FKBP10: variants seen among roughly 807,000 people sequenced by gnomAD.
FKBP10 encodes FKBP prolyl isomerase 10, also known as peptidyl-prolyl cis-trans isomerase FKBP10.
Under a neutral mutation model 53.7 loss-of-function variants are expected in FKBP10, and 34 were observed. The ratio of observed to expected loss-of-function variants is 0.63; its 90% CI spans 0.48 to 0.84. The LOEUF (loss-of-function observed/expected upper bound fraction) is 0.84, where lower values mean the gene tolerates loss of function less well. Among genes scored for constraint, FKBP10 ranks in the 40% least tolerant of loss-of-function variants. FKBP10 has a pLI of 0.00. For missense variants in FKBP10, 748 were observed against 797.8 expected, an observed-to-expected ratio of 0.94 and a Z score of 0.75; for synonymous variants, 324 against 335.7, an observed-to-expected ratio of 0.97 and a Z score of 0.38.
chr17:41,814,958 C>CTACAGTGCAA (rs1266743245), intron 1 of FKBP10, among the ~76,000 whole-genome samples: 3 of 152,136 alleles, frequency 2.0e-5, no homozygotes, highest in Non-Finnish European at 4.4e-5. Flanking sequence ...GTTGCCTGGG[C>CTACAGTGCAA]TGGAGTGCAA....
In FKBP10 at chr17:41,822,360, C is replaced by G. The variant is rs1555617374; in HGVS notation, c.1701C>G (p.Leu567=). The G allele has an allele frequency of 5.6e-6, 9 of 1,612,830 alleles. No homozygotes were observed. The highest frequency in any genetic ancestry group is 6.8e-6 in the Non-Finnish European group (8 of 1,179,490). ...NQDGKITVDE[L]KLKSDEDEER... Reference sequence around the variant, plus strand: ...ACGGCAAGATCACAGTCGACGAGCTCAAGCTGAAGTCAGATGAGGACGAGG... The same window carrying G: ...ACGGCAAGATCACAGTCGACGAGCTGAAGCTGAAGTCAGATGAGGACGAGG... The change falls in exon 10 of 10, where the codon CTC becomes CTG. Residue 567 remains leucine, a synonymous_variant. Coordinates refer to ENST00000321562, the MANE Select transcript of FKBP10 (RefSeq NM_021939.4).
chr17:41,820,221 C>A (rs1555616791), intron 6 of FKBP10, 48 bp from the exon 7 acceptor site: 2 of 1,587,924 alleles, frequency 1.3e-6, no homozygotes, highest in African/African-American at 1.3e-5. Context: ...CCTCAAGTAG[C>A]CTCTCCTAGT....
At position 41,822,558 on chromosome 17, in the gene FKBP10, G is replaced by A; in HGVS notation, c.*150G>A. On this transcript the variant is annotated 3_prime_UTR_variant, in exon 10 of 10. Transcript: ENST00000321562. ...CAATGGCAGAGGAGACATCTCTGGT[G>A]TTCCCACCACCCTAGATGAAAATCC... The A allele has an allele frequency of 1.2e-6, 1 of 828,110 alleles. No individual in the cohort carries two copies. The highest frequency in any genetic ancestry group is 2.0e-6 in the Non-Finnish European group (1 of 506,342). 51.3% of individuals were successfully genotyped at this position (828,110 alleles called of 1,614,324 possible).
chr17:41,813,110 G>T lies in FKBP10; in HGVS notation c.76G>T (p.Ala26Ser), dbSNP rs782020649. The T allele has an allele frequency of 6.2e-7, 1 of 1,611,316 alleles. No homozygotes were observed. Among genetic ancestry groups the T allele is most frequent in the South Asian group, 1.1e-5 (1 of 91,014 alleles). ...LLQLLLLVVQ[A>S]VGRGLGRASP... ...GCAGTTGCTGCTACTGGTGGTGCAG[G>T]CCGTGGGGAGGGGGCTGGGCCGCGC... The change falls in exon 1 of 10, where the codon GCC becomes TCC. Residue 26 changes from alanine to serine, a missense_variant. Coordinates refer to ENST00000321562, the MANE Select transcript of FKBP10 (RefSeq NM_021939.4).
intron 7 of FKBP10, 39 bp downstream of exon 7, chr17:41,820,500 G>T: frequency 6.2e-7 from 1 of 1,607,312 alleles, no homozygotes; most frequent in South Asian, 1.1e-5. Flanking sequence ...CAGGTGGGTG[G>T]GCACAGGCAT....
chr17:41,813,311 A>T (rs1555615716), intron 1 of FKBP10, 32 bp downstream of exon 1: 1 of 1,612,622 alleles, frequency 6.2e-7, no homozygotes. Flanking sequence ...CGGATTCACC[A>T]CTCCGTCCCC....
Position 41,820,267 on chromosome 17 carries a change from A to G in FKBP10, c.1064-2A>G, listed in dbSNP as rs112302872. The G allele has an allele frequency of 1.2e-6, 2 of 1,614,030 alleles. No homozygotes were observed. Among genetic ancestry groups the G allele is most frequent in the Non-Finnish European group, 1.7e-6 (2 of 1,180,022 alleles). On this transcript the variant is annotated splice_acceptor_variant, in intron 6 of 9. Transcript: ENST00000321562. LOFTEE classifies it high-confidence loss of function. The stretch of plus-strand genomic sequence containing the variant: ...GACCACACTCCCCCATTCTGGCCTC[A>G]GGAGACAAGATCCCTGGCTCTGCCG...
rs781900182 is a variant in FKBP10 at position 41,822,364 on chromosome 17, C to T, written c.1705C>T (p.Leu569=). The T allele has an allele frequency of 6.2e-7, 1 of 1,612,792 alleles. No homozygotes were observed. Among genetic ancestry groups the T allele is most frequent in the South Asian group, 1.1e-5 (1 of 90,758 alleles). The part of the protein sequence containing the change: ...DGKITVDELK[L]KSDEDEERVH... ...CAAGATCACAGTCGACGAGCTCAAG[C>T]TGAAGTCAGATGAGGACGAGGAGCG... is the stretch of plus-strand genomic sequence containing the variant. Residue 569 remains leucine, a synonymous_variant, in exon 10 of 10, where the codon CTG becomes TTG. Coordinates refer to ENST00000321562, the MANE Select transcript of FKBP10 (RefSeq NM_021939.4).
chr17:41,820,350 TC>T lies in FKBP10; in HGVS notation c.1146del (p.Arg383GlyfsTer53). On this transcript the variant is annotated frameshift_variant, in exon 7 of 10. Transcript: ENST00000321562. LOFTEE classifies it high-confidence loss of function. ...CACAACCCTGCGGATGTGGTGGAAATCAGGACACTGTCCCGGCCATCTGAGA... is the reference window on the plus strand; with the variant it reads ...CACAACCCTGCGGATGTGGTGGAAATAGGACACTGTCCCGGCCATCTGAGA... ...DFHNPADVVEIRTLSRPSETC... is the reference protein window; with the variant it reads ...DFHNPADVVEXRTLSRPSETC... 6.2e-7 allele frequency: 1 copy of T among 1,614,188 alleles called. No homozygotes were observed.
chr17:41,818,972 A>G (rs1158950882), intron 4 of FKBP10: 8 of 523,682 alleles, frequency 1.5e-5, no homozygotes, highest in South Asian at 2.2e-5. Context: ...AAAAAAAAAA[A>G]AAGAAGGGGT....
rs1043005 is a variant in FKBP10, at chr17:41,822,829, C to G, written c.*421C>G. 239,973 of 313,892 alleles carry G rather than the reference C, an allele frequency of 0.76. 92,192 individuals are homozygous for G. Among genetic ancestry groups the G allele is most frequent in the Admixed American group, 0.85 (18,823 of 22,186 alleles). 19.4% of individuals were successfully genotyped at this position (313,892 alleles called of 1,614,324 possible). On this transcript the variant is annotated 3_prime_UTR_variant, in exon 10 of 10. Transcript: ENST00000321562. ...GCCCCTTTTCCTCTATGTGACAGCT[C>G]CCTAGGACCCCTCTGCCTTCCTCCC... is the stretch of plus-strand genomic sequence containing the variant.
chr17:41,815,073 A>G (rs1487880753), intron 1 of FKBP10, among the ~76,000 whole-genome samples: 1 of 151,724 alleles, frequency 6.6e-6, no homozygotes, highest in East Asian at 1.9e-4. Context: ...GCACACCACC[A>G]CACCCGGCTA....
Position 41,819,331 on chromosome 17 carries a change from CG to C in FKBP10, c.853del (p.Ala285ProfsTer13). ...ELPPGCVRRA[G>X]AGDFMRYHYN... Reference sequence around the variant, plus strand: ...TCCCCCCCGGCTGTGTCCGCAGAGCCGGGGCCGGGGACTTCATGCGCTACCA... The same window carrying C: ...TCCCCCCCGGCTGTGTCCGCAGAGCCGGGCCGGGGACTTCATGCGCTACCA... On this transcript the variant is annotated frameshift_variant, in exon 5 of 10. Transcript: ENST00000321562. LOFTEE classifies it high-confidence loss of function. 2 of 1,601,882 alleles carry C rather than the reference CG, an allele frequency of 1.2e-6. No homozygotes were observed. The highest frequency in any genetic ancestry group is 1.7e-6 in the Non-Finnish European group (2 of 1,172,676).
Position 41,813,061 on chromosome 17 carries a change from C to A in FKBP10, c.27C>A (p.His9Gln), listed in dbSNP as rs1555615653. 6.2e-7 allele frequency: 1 copy of A among 1,610,406 alleles called. No individual in the cohort carries two copies. Among genetic ancestry groups the A allele is most frequent in the Non-Finnish European group, 8.5e-7 (1 of 1,179,686 alleles). ...TGTTCCCCGCGGGCCCCCCCAGCCA[C>A]AGCCTCCTCCGGCTCCCCCTGCTGC... Reference protein sequence around the residue: MFPAGPPSHSLLRLPLLQL... With the variant: MFPAGPPSQSLLRLPLLQL... Residue 9 changes from histidine (H) to glutamine (Q), a missense_variant, in exon 1 of 10, where the codon CAC becomes CAA. Coordinates refer to ENST00000321562, the MANE Select transcript of FKBP10 (RefSeq NM_021939.4).
At position 41,822,478 on chromosome 17, in the gene FKBP10, A is replaced by G. The variant is rs2047905680; in HGVS notation, c.*70A>G. 6.7e-7 allele frequency: 1 copy of G among 1,497,836 alleles called. No individual in the cohort carries two copies. Among genetic ancestry groups the G allele is most frequent in the Non-Finnish European group, 9.1e-7 (1 of 1,101,828 alleles). The allele number at this position is 1,497,836 out of a possible 1,614,324, so 92.8% of individuals were successfully genotyped here. On this transcript the variant is annotated 3_prime_UTR_variant, in exon 10 of 10. Transcript: ENST00000321562. The stretch of plus-strand genomic sequence containing the variant: ...GAGGGGGACAGTGGCGGTGGGACTG[A>G]CCTGCTGACAGTCACCCTCCCTCTG...
rs1555616172 is a variant in FKBP10, at chr17:41,817,085, C to T, written c.273C>T (p.Ile91=). The change falls in exon 2 of 10, where the codon ATC becomes ATT. Residue 91 remains isoleucine, a synonymous_variant. Transcript: ENST00000321562. ...SSYDRNTLVA[I]VVGVGRLITG... The stretch of plus-strand genomic sequence containing the variant: ...ATGATCGCAACACCTTGGTGGCCAT[C>T]GTGGTGGGTGTGGGGCGCCTCATCA... 2.1e-5 allele frequency: 34 copies of T among 1,614,062 alleles called. No individual in the cohort carries two copies. Among genetic ancestry groups the T allele is most frequent in the Non-Finnish European group, 2.6e-5 (31 of 1,180,032 alleles).
intron 5 of FKBP10, 32 bp downstream of exon 5, chr17:41,819,431 G>A (rs1209820485): frequency 5.0e-6 from 8 of 1,612,994 alleles, no homozygotes; most frequent in Admixed American, 3.3e-5. Context: ...GAGGGCGGGG[G>A]CTGGGTGAAA....
chr17:41,817,051 C>T lies in FKBP10; in HGVS notation c.246-7C>T, dbSNP rs782054815. 4.3e-6 allele frequency: 7 copies of T among 1,613,908 alleles called. No individual in the cohort carries two copies. The highest frequency in any genetic ancestry group is 3.3e-5 in the Admixed American group (2 of 60,010). ...TCACTGTATCCCATCTGTCCCTCCCCCCCCAGCTATGATCGCAACACCTTG... is the reference window on the plus strand; with the variant it reads ...TCACTGTATCCCATCTGTCCCTCCCTCCCCAGCTATGATCGCAACACCTTG... On this transcript the variant is annotated splice_region_variant and splice_polypyrimidine_tract_variant and intron_variant, in intron 1 of 9. Coordinates refer to ENST00000321562, the MANE Select transcript of FKBP10 (RefSeq NM_021939.4).
chr17:41,820,605 T>A, intron 7 of FKBP10, 144 bp downstream of exon 7: 1 of 861,358 alleles, frequency 1.2e-6, no homozygotes, highest in Non-Finnish European at 1.8e-6. Context: ...TTTCTGTAAG[T>A]CCCCATCTCG....
Sources: gnomAD v4.1 joint callset for allele counts (sites outside exome capture counted in the v4.1 genomes callset) on GRCh38, gnomAD v4.1.1 for gene constraint, MANE v1.5 for transcripts, NCBI Gene and HGNC (gene_info 2026-07-23, HGNC 2026-07-21) for gene names.